TNFAIP8: variants seen among roughly 807,000 people sequenced by gnomAD.
TNFAIP8 encodes the protein tumor necrosis factor alpha-induced protein 8.
A neutral mutation model predicts 13.3 loss-of-function variants in TNFAIP8; 7 were observed. The observed-to-expected ratio is 0.52, with a 90% CI of 0.30 to 0.99. TNFAIP8 has a LOEUF of 0.99. Ranked by LOEUF, TNFAIP8 falls within the 50% of genes least tolerant of loss-of-function variation. The pLI, the probability that TNFAIP8 is intolerant of heterozygous loss-of-function variation, is 0.07. For synonymous variants in TNFAIP8, 94 were observed against 87.6 expected (o/e 1.07, Z -0.41); for missense variants, 258 against 236.9 (o/e 1.09, Z -0.58).
intron 1 of TNFAIP8, among the ~76,000 whole-genome samples, chr5:119,299,119 T>C (rs1284811550): frequency 6.6e-6 from 1 of 152,262 alleles, no homozygotes; most frequent in Non-Finnish European, 1.5e-5. Context: ...TCAAAGTCAT[T>C]CTCCATCCAG....
intron 1 of TNFAIP8, among the ~76,000 whole-genome samples, chr5:119,294,949 T>A (rs1324757379): frequency 6.6e-6 from 1 of 151,962 alleles, no homozygotes; most frequent in Non-Finnish European, 1.5e-5. Context: ...TAGCCCTTTG[T>A]CAGATGAGTA....
chr5:119,317,126 A>C (rs1749923521), intron 1 of TNFAIP8, among the ~76,000 whole-genome samples: 1 of 152,166 alleles, frequency 6.6e-6, no homozygotes, highest in South Asian at 2.1e-4. Flanking sequence ...CTGCCCTTTG[A>C]GCCTCTTCTG....
At chr5:119,344,943 C>T (rs1750851318) in intron 1 of TNFAIP8, among the ~76,000 whole-genome samples, 1 of 152,162 alleles carries the variant, frequency 6.6e-6, no homozygotes, top group Admixed American at 6.5e-5. Context: ...GCAGACAGGT[C>T]CTAATGGCAG....
intron 1 of TNFAIP8, among the ~76,000 whole-genome samples, chr5:119,294,951 A>C (rs1443619441): frequency 6.6e-6 from 1 of 151,928 alleles, no homozygotes; most frequent in Non-Finnish European, 1.5e-5. Context: ...GCCCTTTGTC[A>C]GATGAGTAGG....
At chr5:119,334,546 A>T (rs1750487384) in intron 1 of TNFAIP8, among the ~76,000 whole-genome samples, 1 of 151,082 alleles carries the variant, frequency 6.6e-6, no homozygotes, top group African/African-American at 2.4e-5. Context: ...TCTTGTATGG[A>T]ATGTGGTCAC....
chr5:119,270,090 C>T (rs1332005507), intron 1 of TNFAIP8, among the ~76,000 whole-genome samples: 1 of 152,220 alleles, frequency 6.6e-6, no homozygotes, highest in East Asian at 1.9e-4. Flanking sequence ...AATTATTCTT[C>T]GAGGGTAAGG....
In TNFAIP8 at chr5:119,379,767, A is replaced by AT. The variant is rs545895991; in HGVS notation, c.32-13044dup. On this transcript the variant is annotated intron_variant, in intron 1 of 1. Transcript: ENST00000504771. The stretch of plus-strand genomic sequence containing the variant: ...CACAACACCTGGGTAATTTTTTTGT[A>AT]TTTTTAGTAGAGATGGGGTCTCTCC... Among the ~76,000 whole-genome samples, 128 of 151,892 alleles carry AT rather than the reference A, an allele frequency of 8.4e-4. 6 individuals are homozygous for AT. The South Asian group carries it at 0.026, about 31-fold the overall frequency.
intron 1 of TNFAIP8, among the ~76,000 whole-genome samples, chr5:119,347,363 A>C (rs1750941073): frequency 1.3e-5 from 2 of 152,206 alleles, no homozygotes; most frequent in African/African-American, 4.8e-5. Context: ...AAATTGAGAA[A>C]ATTAAATGGC....
chr5:119,317,968 A>G (rs1302932830), intron 1 of TNFAIP8, among the ~76,000 whole-genome samples: 2 of 152,238 alleles, frequency 1.3e-5, no homozygotes, highest in Non-Finnish European at 2.9e-5. Flanking sequence ...TGTGGGACAC[A>G]TAAAAGATCT....
rs1271818084 is a variant in TNFAIP8, at chr5:119,393,086, A to C, written c.302A>C (p.Lys101Thr). Residue 101 changes from lysine to threonine, a missense_variant, in exon 2 of 2, where the codon AAA becomes ACA. Coordinates refer to ENST00000504771, the MANE Select transcript of TNFAIP8 (RefSeq NM_014350.4). ...CAAGATGAGCTAGCATTGATGGAGAAATTTAAGAAGAAAGTTCATCAGCTT... is the reference window on the plus strand; with the variant it reads ...CAAGATGAGCTAGCATTGATGGAGACATTTAAGAAGAAAGTTCATCAGCTT... ...FNQDELALME[K>T]FKKKVHQLAM... The C allele has an allele frequency of 6.2e-7, 1 of 1,613,828 alleles. No individual in the cohort carries two copies. The highest frequency in any genetic ancestry group is 8.5e-7 in the Non-Finnish European group (1 of 1,179,864).
intron 1 of TNFAIP8, among the ~76,000 whole-genome samples, chr5:119,317,389 A>T (rs35263427): frequency 0.037 from 5,668 of 152,208 alleles, 177 homozygotes; most frequent in African/African-American, 0.089. Flanking sequence ...TATATAAGAA[A>T]TTATATAAGA....
chr5:119,386,785 G>T (rs564135894), intron 1 of TNFAIP8, among the ~76,000 whole-genome samples: 3 of 152,176 alleles, frequency 2.0e-5, no homozygotes, highest in Non-Finnish European at 4.4e-5. Flanking sequence ...ACTATGTTCT[G>T]TGTGACAGCC....
intron 1 of TNFAIP8, among the ~76,000 whole-genome samples, chr5:119,280,083 C>G (rs1748581162): frequency 6.6e-6 from 1 of 152,088 alleles, no homozygotes; most frequent in African/African-American, 2.4e-5. Context: ...AAAAGCCACA[C>G]AAAACAAATG....
upstream of TNFAIP8, among the ~76,000 whole-genome samples, chr5:119,353,525 AG>A (rs1751255198): frequency 6.6e-6 from 1 of 152,190 alleles, no homozygotes; most frequent in Admixed American, 6.5e-5. Context: ...GCTAAAACAG[AG>A]CATTCTTCCC....
At chr5:119,285,233 T>C (rs1748744413) in intron 1 of TNFAIP8, among the ~76,000 whole-genome samples, 1 of 152,216 alleles carries the variant, frequency 6.6e-6, no homozygotes, top group Admixed American at 6.5e-5. Flanking sequence ...CCATAATTGG[T>C]ATATCTAAGA....
intron 1 of TNFAIP8, among the ~76,000 whole-genome samples, chr5:119,298,718 A>T (rs1022191474): frequency 1.3e-5 from 2 of 152,080 alleles, no homozygotes; most frequent in African/African-American, 4.8e-5. Context: ...ACTAGGTTCC[A>T]TTCTCCCCGT....
At chr5:119,340,549 G>A (rs1289755841) in intron 1 of TNFAIP8, among the ~76,000 whole-genome samples, 1 of 152,190 alleles carries the variant, frequency 6.6e-6, no homozygotes, top group Non-Finnish European at 1.5e-5. Context: ...TTTCTCATTT[G>A]TGAACAAGTT....
intron 1 of TNFAIP8, among the ~76,000 whole-genome samples, chr5:119,385,938 G>A (rs1752650979): frequency 6.6e-6 from 1 of 152,154 alleles, no homozygotes; most frequent in Admixed American, 6.5e-5. Flanking sequence ...CCAAAAAGTG[G>A]GGATCATTGT....
intron 1 of TNFAIP8, among the ~76,000 whole-genome samples, chr5:119,362,624 C>CCA: frequency 6.6e-6 from 1 of 151,760 alleles, no homozygotes; most frequent in Non-Finnish European, 1.5e-5. Flanking sequence ...AGTGAGACCC[C>CCA]CCATCTCTAC....
Sources: allele counts gnomAD v4.1 joint callset (sites outside exome capture counted in the v4.1 genomes callset), GRCh38; gene constraint gnomAD v4.1.1; transcripts MANE v1.5; gene names NCBI Gene and HGNC (gene_info 2026-07-23, HGNC 2026-07-21).